Variants in ABCD2 observed in about 807,000 individuals in gnomAD.
ABCD2 encodes the protein ATP-binding cassette sub-family D member 2.
Under a neutral mutation model 70.9 loss-of-function variants are expected in ABCD2, and 36 were observed. The ratio of observed to expected loss-of-function variants is 0.51; its 90% CI spans 0.39 to 0.67. The LOEUF (loss-of-function observed/expected upper bound fraction) is 0.67, where lower values mean the gene tolerates loss of function less well. Among genes scored for constraint, ABCD2 ranks in the 30% least tolerant of loss-of-function variants. The pLI, the probability that ABCD2 is intolerant of heterozygous loss-of-function variation, is 0.00. For missense variants in ABCD2, 729 were observed against 890.2 expected (o/e 0.82, Z 2.30); for synonymous variants, 304 against 306.9 (o/e 0.99, Z 0.10).
At chr12:39,538,587 A>C in the ABCD2 span, among the ~76,000 whole-genome samples, 5 of 151,898 alleles carry the variant, frequency 3.3e-5, no homozygotes, top group Non-Finnish European at 7.4e-5. Context: ...ACAAACCCAC[A>C]CTGATACTTG....
intron 9 of ABCD2, among the ~76,000 whole-genome samples, chr12:39,569,213 C>G (rs574681352): frequency 6.6e-6 from 1 of 152,344 alleles, no homozygotes; most frequent in South Asian, 2.1e-4. Context: ...TGTCTATGCC[C>G]TACCCCCAGA....
chr12:39,582,528 A>G (rs1044540271), intron 7 of ABCD2, among the ~76,000 whole-genome samples: 4 of 152,200 alleles, frequency 2.6e-5, no homozygotes, highest in Non-Finnish European at 5.9e-5. Flanking sequence ...AGAATATTTC[A>G]TGTTTATTCT....
At position 39,604,007 on chromosome 12, in the gene ABCD2, C is replaced by T; in HGVS notation, c.1406-1G>A. 6.2e-7 allele frequency: 1 copy of T among 1,601,044 alleles called. No individual in the cohort carries two copies. Among genetic ancestry groups the T allele is most frequent in the Non-Finnish European group, 8.5e-7 (1 of 1,170,048 alleles). ...CCGTGATCCACATCAATAACTTTTC[C>T]TGTAATTAAGAAAAAGTGTAAGATA... On this transcript the variant is annotated splice_acceptor_variant, in intron 4 of 9. Transcript: ENST00000308666. LOFTEE classifies it high-confidence loss of function.
downstream of ABCD2, among the ~76,000 whole-genome samples, chr12:39,545,553 C>T (rs1941017976): frequency 6.6e-6 from 1 of 152,118 alleles, no homozygotes; most frequent in East Asian, 1.9e-4. Flanking sequence ...AGCTAGTGTA[C>T]CTAATCATCA....
At chr12:39,538,429 C>T in the ABCD2 span, among the ~76,000 whole-genome samples, 1 of 152,038 alleles carries the variant, frequency 6.6e-6, no homozygotes, top group Non-Finnish European at 1.5e-5. Flanking sequence ...TCTGCCTTGG[C>T]CTCCCAAAGT....
intron 9 of ABCD2, among the ~76,000 whole-genome samples, chr12:39,567,420 T>G (rs1053721097): frequency 1.3e-5 from 2 of 152,214 alleles, no homozygotes; most frequent in Non-Finnish European, 2.9e-5. Context: ...TTTGTTGGTT[T>G]AAAGTCTCTT....
intron 1 of ABCD2, 28 bp downstream of exon 1, chr12:39,618,649 T>C (rs1210630614): frequency 1.9e-6 from 3 of 1,581,452 alleles, no homozygotes; most frequent in South Asian, 2.3e-5. Flanking sequence ...GTTTCACATT[T>C]CACCCATCAC....
chr12:39,538,235 T>C, the ABCD2 span, among the ~76,000 whole-genome samples: 1 of 149,304 alleles, frequency 6.7e-6, no homozygotes, highest in South Asian at 2.2e-4. Context: ...AGTGGAGCCA[T>C]CTCGTCTCAC....
intron 2 of ABCD2, 69 bp from the exon 3 acceptor site, chr12:39,607,783 T>C (rs934501110): frequency 9.8e-7 from 1 of 1,023,282 alleles, no homozygotes; most frequent in Admixed American, 2.4e-5. Context: ...TAATGTTTTA[T>C]ATTATACAAA....
chr12:39,564,446 C>T (rs1472805360), intron 9 of ABCD2, among the ~76,000 whole-genome samples: 1 of 152,190 alleles, frequency 6.6e-6, no homozygotes, highest in Non-Finnish European at 1.5e-5. Context: ...AGTGTCTGTT[C>T]ATATCCTTTG....
At chr12:39,572,889 C>G (rs1047608471) in intron 9 of ABCD2, among the ~76,000 whole-genome samples, 1 of 152,062 alleles carries the variant, frequency 6.6e-6, no homozygotes, top group Admixed American at 6.6e-5. Context: ...AAAAAATTTT[C>G]ATTGATTAAA....
At chr12:39,540,890 A>G in the ABCD2 span, among the ~76,000 whole-genome samples, 8 of 152,226 alleles carry the variant, frequency 5.3e-5, no homozygotes, top group Non-Finnish European at 7.3e-5. Context: ...AATGTATAAA[A>G]CCAAGCTGCA....
chr12:39,594,777 C>T (rs771503369), intron 6 of ABCD2, among the ~76,000 whole-genome samples: 4 of 151,854 alleles, frequency 2.6e-5, no homozygotes, highest in Admixed American at 6.6e-5. Context: ...AGTTCGAGAC[C>T]GGCCTGGCCA....
intron 6 of ABCD2, among the ~76,000 whole-genome samples, chr12:39,589,713 A>T (rs1018208214): frequency 2.0e-5 from 3 of 152,088 alleles, no homozygotes; most frequent in Non-Finnish European, 4.4e-5. Context: ...TATTTAAATG[A>T]TGTAACGATG....
intron 9 of ABCD2, among the ~76,000 whole-genome samples, chr12:39,568,599 G>C (rs1039983801): frequency 1.3e-5 from 2 of 152,084 alleles, no homozygotes; most frequent in African/African-American, 4.8e-5. Flanking sequence ...GGAGTAGTTT[G>C]ATCATCTGAA....
chr12:39,534,981 G>A, the ABCD2 span, among the ~76,000 whole-genome samples: 1 of 152,102 alleles, frequency 6.6e-6, no homozygotes, highest in Non-Finnish European at 1.5e-5. Flanking sequence ...TTTATATCTC[G>A]TTGTCTACCT....
chr12:39,555,129 C>T (rs1269962563), intron 9 of ABCD2, among the ~76,000 whole-genome samples: 4 of 152,066 alleles, frequency 2.6e-5, no homozygotes, highest in Non-Finnish European at 5.9e-5. Flanking sequence ...GCAACCATCA[C>T]CAGTAATTTC....
chr12:39,615,053 G>A (rs1049753115), intron 2 of ABCD2, among the ~76,000 whole-genome samples: 2 of 117,178 alleles, frequency 1.7e-5, no homozygotes, highest in African/African-American at 6.3e-5. Context: ...CAGGATTTGT[G>A]GGATTTATTT....
At position 39,590,218 on chromosome 12, in the gene ABCD2, C is replaced by T. The variant is rs79697639; in HGVS notation, c.1647-3921G>A. Among the ~76,000 whole-genome samples, 9 of 152,298 alleles carry T rather than the reference C, an allele frequency of 5.9e-5. No individual in the cohort carries two copies. The East Asian group carries it at 1.5e-3, about 26-fold the overall frequency. The stretch of plus-strand genomic sequence containing the variant: ...AGCACTCAAAGTACCCTTTACTAAA[C>T]TTTCCTTTCTAGATATATAGACCTA... On this transcript the variant is annotated intron_variant, in intron 6 of 9. Coordinates refer to ENST00000308666, the MANE Select transcript of ABCD2 (RefSeq NM_005164.4).
Sources: allele counts gnomAD v4.1 joint callset (sites outside exome capture counted in the v4.1 genomes callset), GRCh38; gene constraint gnomAD v4.1.1; transcripts MANE v1.5; gene names NCBI Gene and HGNC (gene_info 2026-07-23, HGNC 2026-07-21).